The following CTNNBIP1 variants were observed in gnomAD, a reference collection of about 807,000 sequenced individuals.
The protein encoded by CTNNBIP1 is catenin beta interacting protein 1, also known as beta-catenin-interacting protein 1.
CTNNBIP1 carries 7 observed loss-of-function variants against 11.8 expected under a neutral mutation model. The ratio of observed to expected loss-of-function variants is 0.60; its 90% confidence interval spans 0.34 to 1.12. The LOEUF is 1.12. Among genes scored for constraint, CTNNBIP1 ranks in the 50% most tolerant of loss-of-function variants. The probability of loss-of-function intolerance (pLI) is 0.03; values close to 1 mark genes in which losing one functional copy is unlikely to be tolerated. For synonymous variants in CTNNBIP1, 58 were observed against 43.9 expected (o/e 1.32, Z -1.26); for missense variants, 101 against 113.4 (o/e 0.89, Z 0.50).
At chr1:9,899,392 G>A (rs1639475310) in intron 1 of CTNNBIP1, among the ~76,000 whole-genome samples, 1 of 149,970 alleles carries the variant, frequency 6.7e-6, no homozygotes, top group South Asian at 2.1e-4. Flanking sequence ...GGAGGCACAG[G>A]CTGCAGTGAG....
At chr1:9,860,728 T>C (rs1442745716) in intron 5 of CTNNBIP1, among the ~76,000 whole-genome samples, 1 of 151,958 alleles carries the variant, frequency 6.6e-6, no homozygotes, top group East Asian at 1.9e-4. Flanking sequence ...GCAAGACCAC[T>C]GAAATCCTCA....
chr1:9,908,423 G>A (rs1051097561), intron 1 of CTNNBIP1, among the ~76,000 whole-genome samples: 57 of 142,820 alleles, frequency 4.0e-4, no homozygotes, highest in Non-Finnish European at 7.0e-4. Flanking sequence ...GCCCAGACTG[G>A]AGTGCAGTGG....
chr1:9,881,599 A>C (rs541409655), intron 2 of CTNNBIP1, among the ~76,000 whole-genome samples: 1 of 151,992 alleles, frequency 6.6e-6, no homozygotes, highest in African/African-American at 2.4e-5. Flanking sequence ...TCAGTCTCCC[A>C]AAGTGCTGGG....
At chr1:9,854,352 G>A (rs2101429960) in intron 5 of CTNNBIP1, among the ~76,000 whole-genome samples, 1 of 132,236 alleles carries the variant, frequency 7.6e-6, no homozygotes, top group Non-Finnish European at 1.6e-5. Flanking sequence ...TGGGCAACAA[G>A]AGTGAAACTC....
At chr1:9,866,726 A>G (rs1638755051) in intron 5 of CTNNBIP1, among the ~76,000 whole-genome samples, 1 of 151,746 alleles carries the variant, frequency 6.6e-6, no homozygotes, top group Admixed American at 6.6e-5. Flanking sequence ...TGTCACTCTA[A>G]GCCTCCAAAA....
At chr1:9,899,763 A>AAAAAG (rs112230676) in intron 1 of CTNNBIP1, among the ~76,000 whole-genome samples, 1 of 150,596 alleles carries the variant, frequency 6.6e-6, no homozygotes, top group African/African-American at 2.5e-5. Flanking sequence ...GTCTCAAAAA[A>AAAAAG]AAAGAAAGAA....
intron 5 of CTNNBIP1, among the ~76,000 whole-genome samples, chr1:9,860,443 A>AC (rs1324312981): frequency 1.3e-5 from 2 of 150,176 alleles, no homozygotes; most frequent in Non-Finnish European, 3.0e-5. Context: ...AAAAAAAAAA[A>AC]AAAAAAAAAA....
intron 1 of CTNNBIP1, among the ~76,000 whole-genome samples, chr1:9,896,128 A>T (rs1050385621): frequency 6.7e-6 from 1 of 148,762 alleles, no homozygotes; most frequent in Non-Finnish European, 1.5e-5. Context: ...TTTGTTTATC[A>T]GGATATTAAC....
chr1:9,895,520 G>A (rs1470207760), intron 1 of CTNNBIP1, among the ~76,000 whole-genome samples: 1 of 149,398 alleles, frequency 6.7e-6, no homozygotes, highest in Non-Finnish European at 1.5e-5. Flanking sequence ...GTTTTGAGAT[G>A]GAGTCTTGCT....
At chr1:9,876,845 T>TACACACACAC (rs34192085) in intron 3 of CTNNBIP1, among the ~76,000 whole-genome samples, 1,611 of 138,152 alleles carry the variant, frequency 0.012, 15 homozygotes, top group South Asian at 0.019. Flanking sequence ...CTGCTATACA[T>TACACACACAC]ACACACACAC....
intron 1 of CTNNBIP1, among the ~76,000 whole-genome samples, chr1:9,892,512 G>A (rs1639326284): frequency 6.7e-6 from 1 of 150,234 alleles, no homozygotes; most frequent in Non-Finnish European, 1.5e-5. Context: ...AGGATCCCAA[G>A]AGCCCAGGAG....
intron 1 of CTNNBIP1, among the ~76,000 whole-genome samples, chr1:9,892,496 G>A (rs888832126): frequency 6.6e-6 from 1 of 151,640 alleles, no homozygotes; most frequent in African/African-American, 2.4e-5. Context: ...GGGAGGCTGA[G>A]GTGGGAGGAT....
chr1:9,858,493 C>T (rs1184928158), intron 5 of CTNNBIP1, among the ~76,000 whole-genome samples: 1 of 152,206 alleles, frequency 6.6e-6, no homozygotes, highest in African/African-American at 2.4e-5. Context: ...CAAGTCCTTA[C>T]ACCCCAGGGC....
chr1:9,850,832 AG>A (rs1443919005), intron 5 of CTNNBIP1, 56 bp from the exon 6 acceptor site: 1 of 1,542,062 alleles, frequency 6.5e-7, no homozygotes, highest in East Asian at 2.2e-5. Context: ...GCTTGCGAAC[AG>A]GACAAGCAAG....
At chr1:9,889,754 T>C (rs756085022) in intron 1 of CTNNBIP1, among the ~76,000 whole-genome samples, 6 of 152,192 alleles carry the variant, frequency 3.9e-5, no homozygotes, top group Non-Finnish European at 8.8e-5. Flanking sequence ...GGGAACCTTA[T>C]TCTCAGAGAC....
chr1:9,894,174 A>T (rs375284609), intron 1 of CTNNBIP1, among the ~76,000 whole-genome samples: 1 of 152,180 alleles, frequency 6.6e-6, no homozygotes, highest in South Asian at 2.1e-4. Flanking sequence ...ATTTTGCTAT[A>T]TATGTTTTAT....
chr1:9,908,063 C>A (rs1639651295), intron 1 of CTNNBIP1, among the ~76,000 whole-genome samples: 1 of 152,162 alleles, frequency 6.6e-6, no homozygotes, highest in East Asian at 1.9e-4. Context: ...GGTTCTTTTT[C>A]TCCACCCCCG....
Position 9,851,439 on chromosome 1 carries a change from C to T in CTNNBIP1, c.188-663G>A, listed in dbSNP as rs990527588. ...AGGCTGGAGTATAGTGGCACAATCT[C>T]GGCTCACTGCATCCTCTGCCTCCCG... is the stretch of plus-strand genomic sequence containing the variant. On this transcript the variant is annotated intron_variant, in intron 5 of 5. Transcript: ENST00000377263. This position sits in a 1 kb window ranked among gnomAD's most constrained non-coding sequence, Gnocchi z 4.8. Among the ~76,000 whole-genome samples, 4 of 152,186 alleles carry T rather than the reference C, an allele frequency of 2.6e-5. No individual in the cohort carries two copies. The highest frequency in any genetic ancestry group is 2.1e-4 in the South Asian group (1 of 4,820).
intron 1 of CTNNBIP1, among the ~76,000 whole-genome samples, chr1:9,887,636 G>A (rs985042991): frequency 6.6e-6 from 1 of 151,802 alleles, no homozygotes; most frequent in Non-Finnish European, 1.5e-5. Flanking sequence ...CCAGGAGGCA[G>A]AGGTTGCAGT....
Sources: gnomAD v4.1 joint callset for allele counts (sites outside exome capture counted in the v4.1 genomes callset) on GRCh38, gnomAD v4.1.1 for gene constraint, Gnocchi (gnomAD v3.1) non-coding constraint, MANE v1.5 for transcripts, NCBI Gene and HGNC (gene_info 2026-07-23, HGNC 2026-07-21) for gene names.